PEMT: variants seen among roughly 807,000 people sequenced by gnomAD.
PEMT encodes phospholipid methyltransferase.
A neutral mutation model predicts 27.4 loss-of-function variants in PEMT; 23 were observed. The ratio of observed to expected loss-of-function variants is 0.84; its 90% CI spans 0.60 to 1.19. PEMT has a LOEUF of 1.19. Among genes scored for constraint, PEMT ranks in the 50% most tolerant of loss-of-function variants. The probability of loss-of-function intolerance (pLI) is 0.00; values close to 1 mark genes in which losing one functional copy is unlikely to be tolerated. For synonymous variants in PEMT, 137 were observed against 139.1 expected (o/e 0.98, Z 0.11); for missense variants, 307 against 310.1 (o/e 0.99, Z 0.07).
At chr17:17,577,376 A>C in intron 1 of PEMT, 1 of 795,060 alleles carries the variant, frequency 1.3e-6, no homozygotes, top group Non-Finnish European at 1.6e-6. Context: ...GAGGAAACCC[A>C]AGCAGCTGAG....
chr17:17,522,343 G>A lies in PEMT; in HGVS notation c.257C>T (p.Pro86Leu). Residue 86 changes from proline to leucine, a missense_variant, in exon 3 of 7, where the codon CCC becomes CTC. Transcript: ENST00000255389. ...TRKLSRAFGSPYLACYSLSVT... is the reference protein window; with the variant it reads ...TRKLSRAFGSLYLACYSLSVT... Reference sequence around the variant, plus strand: ...GCTTAGAGAGTAGCAGGCCAGGTAGGGGGATCCGAAGGCCCTGCTCAGCTT... The same window carrying A: ...GCTTAGAGAGTAGCAGGCCAGGTAGAGGGATCCGAAGGCCCTGCTCAGCTT... 6.2e-7 allele frequency: 1 copy of A among 1,613,994 alleles called. No homozygotes were observed. Among genetic ancestry groups the A allele is most frequent in the Non-Finnish European group, 8.5e-7 (1 of 1,179,950 alleles).
At chr17:17,566,504 C>T (rs2142711627) in intron 2 of PEMT, among the ~76,000 whole-genome samples, 1 of 152,342 alleles carries the variant, frequency 6.6e-6, no homozygotes, top group Middle Eastern at 3.4e-3. Flanking sequence ...CACTTTCAAC[C>T]TCAGTTCCCG....
At position 17,561,899 on chromosome 17, in the gene PEMT, C is replaced by T. The variant is rs1910499514; in HGVS notation, c.204+15021G>A. 6.6e-6 allele frequency among the ~76,000 whole-genome samples: 1 copy of T among 152,210 alleles called. No homozygotes were observed. Among genetic ancestry groups the T allele is most frequent in the Non-Finnish European group, 1.5e-5 (1 of 68,034 alleles). On this transcript the variant is annotated intron_variant, in intron 2 of 6. Coordinates refer to ENST00000255389, the MANE Select transcript of PEMT (RefSeq NM_148172.3). This position sits in a 1 kb window ranked among gnomAD's most constrained non-coding sequence, Gnocchi z 4.5. ...AGTCATAATATTGACACAGGCAGGG[C>T]ACACAGCAGCCGGGAAGCTGGGCTG...
At chr17:17,516,411 T>C (rs932016571) in intron 3 of PEMT, among the ~76,000 whole-genome samples, 1 of 151,528 alleles carries the variant, frequency 6.6e-6, no homozygotes, top group Non-Finnish European at 1.5e-5. Flanking sequence ...TTCCAAAGTG[T>C]TTCCAGAACC....
intron 2 of PEMT, among the ~76,000 whole-genome samples, chr17:17,539,573 C>T (rs533360649): frequency 9.2e-5 from 14 of 152,306 alleles, no homozygotes; most frequent in African/African-American, 2.6e-4. Flanking sequence ...TGCCACAGTC[C>T]GTGTGTCCCT....
At chr17:17,521,650 C>T (rs1176028926) in intron 3 of PEMT, among the ~76,000 whole-genome samples, 6 of 152,284 alleles carry the variant, frequency 3.9e-5, no homozygotes, top group African/African-American at 7.2e-5. Context: ...CTGCAACCTC[C>T]GCCTCCTGGG....
chr17:17,534,863 C>T (rs1424365375), intron 2 of PEMT, among the ~76,000 whole-genome samples: 1 of 151,994 alleles, frequency 6.6e-6, no homozygotes, highest in African/African-American at 2.4e-5. Context: ...TATAGGTGCA[C>T]TTTGTTGTAA....
At chr17:17,556,878 C>T (rs932554736) in intron 2 of PEMT, among the ~76,000 whole-genome samples, 2 of 152,162 alleles carry the variant, frequency 1.3e-5, no homozygotes, top group Non-Finnish European at 2.9e-5. Context: ...GTGGCTCCCG[C>T]AGTGCTGTGG....
At chr17:17,557,782 CG>C (rs375884254) in intron 2 of PEMT, among the ~76,000 whole-genome samples, 66 of 152,294 alleles carry the variant, frequency 4.3e-4, no homozygotes, top group South Asian at 8.3e-4. Flanking sequence ...GCCAGGCGTC[CG>C]GGACTGTCAG....
At position 17,523,864 on chromosome 17, in the gene PEMT, A is replaced by G. The variant is rs150136559; in HGVS notation, c.205-1469T>C. On this transcript the variant is annotated intron_variant, in intron 2 of 6. Transcript: ENST00000255389. The surrounding 1 kb of genome is among the most constrained non-coding windows in gnomAD (Gnocchi z 4.8). The stretch of plus-strand genomic sequence containing the variant: ...AGTAGTTTTTAGCTATGCAACCATC[A>G]CCACGGTCTAAGTCCAGAACATTTC... Among the ~76,000 whole-genome samples the G allele has an allele frequency of 1.6e-3, 238 of 152,180 alleles. No homozygotes were observed. Among genetic ancestry groups the G allele is most frequent in the African/African-American group, 5.5e-3 (230 of 41,518 alleles).
intron 2 of PEMT, among the ~76,000 whole-genome samples, chr17:17,542,995 G>A (rs1356142173): frequency 1.3e-5 from 2 of 152,232 alleles, no homozygotes; most frequent in Non-Finnish European, 2.9e-5. Context: ...TTCCCCCAGA[G>A]CATGGCCTCC....
chr17:17,520,106 G>A (rs1264982016), intron 3 of PEMT, among the ~76,000 whole-genome samples: 2 of 152,298 alleles, frequency 1.3e-5, no homozygotes, highest in East Asian at 1.9e-4. Flanking sequence ...CCTGTGGGGG[G>A]ACTCCAAGCT....
chr17:17,508,742 T>C lies in PEMT; in HGVS notation c.578+692A>G, dbSNP rs564286177. On this transcript the variant is annotated intron_variant, in intron 5 of 6. Transcript: ENST00000255389. ...CGCCGGGGGAGCACATCTCCATACCTTGTCAGTACCCGTACCTGGCTGAGG... is the reference window on the plus strand; with the variant it reads ...CGCCGGGGGAGCACATCTCCATACCCTGTCAGTACCCGTACCTGGCTGAGG... The C allele has an allele frequency of 8.6e-5, 40 of 466,682 alleles. 1 individual carries two copies. Among genetic ancestry groups the C allele is most frequent in the South Asian group, 6.2e-4 (40 of 64,236 alleles). The allele number at this position is 466,682 out of a possible 1,614,324, so 28.9% of individuals were successfully genotyped here.
chr17:17,532,630 G>C (rs1442456613), intron 2 of PEMT, among the ~76,000 whole-genome samples: 1 of 152,194 alleles, frequency 6.6e-6, no homozygotes. Context: ...CAGAATCTCA[G>C]CTGGCTTCTT....
chr17:17,541,979 TTTTTTC>T (rs1424976941), intron 2 of PEMT, among the ~76,000 whole-genome samples: 2 of 152,102 alleles, frequency 1.3e-5, no homozygotes, highest in African/African-American at 4.8e-5. Context: ...CTCTTTTTTC[TTTTTTC>T]TTTTTCTTTT....
At chr17:17,581,233 A>G (rs1911956684) in intron 1 of PEMT, among the ~76,000 whole-genome samples, 1 of 152,218 alleles carries the variant, frequency 6.6e-6, no homozygotes, top group East Asian at 1.9e-4. Flanking sequence ...ACTCGATGTT[A>G]GTCACCTTAG....
intron 2 of PEMT, chr17:17,570,753 A>C (rs1911140422): frequency 1.0e-6 from 1 of 985,452 alleles, no homozygotes. Context: ...CATGGCCCTC[A>C]AGGGTGGCTA....
Position 17,530,007 on chromosome 17 carries a change from C to T in PEMT, c.205-7612G>A, listed in dbSNP as rs528160192. On this transcript the variant is annotated intron_variant, in intron 2 of 6. Coordinates refer to ENST00000255389, the MANE Select transcript of PEMT (RefSeq NM_148172.3). The stretch of plus-strand genomic sequence containing the variant: ...AGCAAGTGCGGAAGGTGCACCCATC[C>T]TGTTGTATAAGGACATGAAGAGGGG... 2.4e-4 allele frequency among the ~76,000 whole-genome samples: 37 copies of T among 152,258 alleles called. 1 individual carries two copies. In the South Asian group the frequency reaches 7.7e-3, roughly 32 times the overall value.
At chr17:17,550,510 C>T (rs983265994) in intron 2 of PEMT, among the ~76,000 whole-genome samples, 1 of 152,138 alleles carries the variant, frequency 6.6e-6, no homozygotes, top group Non-Finnish European at 1.5e-5. Context: ...GAGGGTATGC[C>T]ACAGCACCTC....
Sources: allele counts gnomAD v4.1 joint callset (sites outside exome capture counted in the v4.1 genomes callset), GRCh38; gene constraint gnomAD v4.1.1; non-coding constraint Gnocchi (gnomAD v3.1); transcripts MANE v1.5; gene names NCBI Gene and HGNC (gene_info 2026-07-23, HGNC 2026-07-21).